Variants in HOXD8 observed in about 807,000 individuals in gnomAD.
HOXD8 encodes homeobox D8, also known as homeobox protein Hox-D8.
In HOXD8, 17 loss-of-function variants were observed where a neutral mutation model predicts 25.4. The observed-to-expected ratio is 0.67, with a 90% CI of 0.46 to 1.00. HOXD8 has a LOEUF of 1.00. Ranked by LOEUF, HOXD8 falls within the 50% of genes least tolerant of loss-of-function variation. The pLI, the probability that HOXD8 is intolerant of heterozygous loss-of-function variation, is 0.00. For synonymous variants in HOXD8, 203 were observed against 175.3 expected, an observed-to-expected ratio of 1.16 and a Z score of -1.25; for missense variants, 511 against 398.5, an observed-to-expected ratio of 1.28 and a Z score of -2.40.
In HOXD8 at chr2:176,129,930, G is replaced by A. The variant is rs1690042479; in HGVS notation, c.-437G>A. ...AAACCGAGGCCAGAGTGTCCCCGTGGGCCGAGCGCACTTTTTTCTTGTCCG... is the reference window on the plus strand; with the variant it reads ...AAACCGAGGCCAGAGTGTCCCCGTGAGCCGAGCGCACTTTTTTCTTGTCCG... On this transcript the variant is annotated 5_prime_UTR_variant, in exon 1 of 2. Coordinates refer to ENST00000313173, the MANE Select transcript of HOXD8 (RefSeq NM_019558.4). The A allele has an allele frequency of 5.7e-6, 1 of 175,212 alleles. No homozygotes were observed. Among genetic ancestry groups the A allele is most frequent in the Admixed American group, 6.0e-5 (1 of 16,620 alleles). The allele number at this position is 175,212 out of a possible 1,614,324, so 10.9% of individuals were successfully genotyped here.
At position 176,131,599 on chromosome 2, in the gene HOXD8, G is replaced by T. The variant is rs757827940; in HGVS notation, c.860G>T (p.Gly287Val). ...AQELEEDRAE[G>V]LTN ...GAGCTGGAGGAAGACAGAGCCGAAG[G>T]CCTGACAAATTAACTTCTACCTTTA... The change falls in exon 2 of 2, where the codon GGC becomes GTC. Residue 287 changes from glycine (G) to valine (V), a missense_variant. Gly to Val is a moderately radical substitution (Grantham distance 109, BLOSUM62 -3). Transcript: ENST00000313173. The T allele has an allele frequency of 6.3e-7, 1 of 1,576,226 alleles. No homozygotes were observed. The highest frequency in any genetic ancestry group is 1.1e-5 in the South Asian group (1 of 87,712).
At position 176,130,305 on chromosome 2, in the gene HOXD8, G is replaced by T. The variant is rs2105404707; in HGVS notation, c.-62G>T. On this transcript the variant is annotated 5_prime_UTR_variant, in exon 1 of 2. It adds an upstream start codon to the 5' untranslated region. Transcript: ENST00000313173. ...CCCCGCGGCAGTGCGGCCGAGTCGA[G>T]GCTCGCTCTCTGGCTGCTTAGCGCC... 2 of 1,140,410 alleles carry T rather than the reference G, an allele frequency of 1.8e-6. No homozygotes were observed. The highest frequency in any genetic ancestry group is 2.3e-6 in the Non-Finnish European group (2 of 883,592). The allele number at this position is 1,140,410 out of a possible 1,614,324, so 70.6% of individuals were successfully genotyped here. A position where few individuals can be genotyped will look rare whatever the true frequency, so the allele number is the denominator to read the frequency against.
Position 176,130,696 on chromosome 2 carries a change from T to G in HOXD8, c.330T>G (p.Pro110=). 6.3e-7 allele frequency: 1 copy of G among 1,587,976 alleles called. No homozygotes were observed. Among genetic ancestry groups the G allele is most frequent in the Non-Finnish European group, 8.6e-7 (1 of 1,167,246 alleles). ...SPAAAYQAAP[P]PPPHPPPPPP... is the part of the protein sequence containing the mutation. ...CCGCTGCCTACCAGGCCGCCCCCCC[T>G]CCTCCTCCGCATCCTCCGCCTCCGC... The change falls in exon 1 of 2, where the codon CCT becomes CCG. Residue 110 remains proline, a synonymous_variant. Coordinates refer to ENST00000313173, the MANE Select transcript of HOXD8 (RefSeq NM_019558.4).
chr2:176,131,360 C>G lies in HOXD8; in HGVS notation c.621C>G (p.Phe207Leu). 6.4e-7 allele frequency: 1 copy of G among 1,574,046 alleles called. No individual in the cohort carries two copies. Among genetic ancestry groups the G allele is most frequent in the African/African-American group, 1.4e-5 (1 of 71,520 alleles). The change falls in exon 2 of 2, where the codon TTC (phenylalanine) becomes TTG (leucine). Residue 207 changes from phenylalanine (F) to leucine (L), a missense_variant. Transcript: ENST00000313173. Reference protein sequence around the residue: ...RRRGRQTYSRFQTLELEKEFL... With the variant: ...RRRGRQTYSRLQTLELEKEFL... ...GAGGAAGACAAACCTACAGTCGCTT[C>G]CAAACTCTAGAGTTGGAAAAGGAAT...
In HOXD8 at chr2:176,131,365, C is replaced by A. The variant is rs781225320; in HGVS notation, c.626C>A (p.Thr209Asn). The A allele has an allele frequency of 5.4e-5, 85 of 1,569,732 alleles. No individual in the cohort carries two copies. In the Admixed American group the frequency reaches 1.4e-3, roughly 26 times the overall value. ...AGACAAACCTACAGTCGCTTCCAAA[C>A]TCTAGAGTTGGAAAAGGAATTTCTT... ...RGRQTYSRFQ[T>N]LELEKEFLFN... Residue 209 changes from threonine to asparagine, a missense_variant, in exon 2 of 2, where the codon ACT (threonine) becomes AAT (asparagine). By Grantham distance (65) the Thr-to-Asn change is moderately conservative. Coordinates refer to ENST00000313173, the MANE Select transcript of HOXD8 (RefSeq NM_019558.4).
Position 176,130,601 on chromosome 2 carries a change from T to A in HOXD8, c.235T>A (p.Ser79Thr), listed in dbSNP as rs762068418. ...GCACCCGCACCCGTCCCCGCCGCCC[T>A]CCGGGACTGGGTGCGGCGGTAGGGA... ...HAHPHPSPPP[S>T]GTGCGGREGR... Residue 79 changes from serine (S) to threonine (T), a missense_variant, in exon 1 of 2, where the codon TCC becomes ACC. Transcript: ENST00000313173. The A allele has an allele frequency of 2.8e-5, 42 of 1,482,724 alleles. No individual in the cohort carries two copies. In the African/African-American group the frequency reaches 4.7e-4, roughly 17 times the overall value. 91.8% of individuals were successfully genotyped at this position (1,482,724 alleles called of 1,614,324 possible). A position where few individuals can be genotyped will look rare whatever the true frequency, so the allele number is the denominator to read the frequency against.
Position 176,131,594 on chromosome 2 carries a change from C to G in HOXD8, c.855C>G (p.Ala285=), listed in dbSNP as rs756178069. ...CCCAAGAGCTGGAGGAAGACAGAGC[C>G]GAAGGCCTGACAAATTAACTTCTAC... is the stretch of plus-strand genomic sequence containing the variant. ...KEAQELEEDR[A]EGLTN The change falls in exon 2 of 2, where the codon GCC becomes GCG. Residue 285 remains alanine (A), a synonymous_variant. Transcript: ENST00000313173. 60 of 1,581,974 alleles carry G rather than the reference C, an allele frequency of 3.8e-5. No homozygotes were observed. The South Asian group carries it at 6.8e-4, about 18-fold the overall frequency.
Position 176,129,860 on chromosome 2 carries a change from G to T in HOXD8, c.-507G>T. ...GGGGGCGCGGTAAGAGGTGGCGGCG[G>T]GCAGAGGGTGTTTTTTTTCTTTTCC... On this transcript the variant is annotated 5_prime_UTR_variant, in exon 1 of 2. Transcript: ENST00000313173. 3.8e-6 allele frequency: 1 copy of T among 264,532 alleles called. No homozygotes were observed. Among genetic ancestry groups the T allele is most frequent in the Non-Finnish European group, 7.4e-6 (1 of 134,478 alleles). 16.4% of individuals were successfully genotyped at this position (264,532 alleles called of 1,614,324 possible).
Position 176,129,708 on chromosome 2 carries a change from C to G in HOXD8, c.-659C>G. ...CGACTGAACTGCGCGCGGATCCCTCCGCGGGGCTCCTCGTCCCCGTCACGC... is the reference window on the plus strand; with the variant it reads ...CGACTGAACTGCGCGCGGATCCCTCGGCGGGGCTCCTCGTCCCCGTCACGC... On this transcript the variant is annotated 5_prime_UTR_variant, in exon 1 of 2. Coordinates refer to ENST00000313173, the MANE Select transcript of HOXD8 (RefSeq NM_019558.4). 2.7e-6 allele frequency: 1 copy of G among 368,714 alleles called. No homozygotes were observed. The allele number at this position is 368,714 out of a possible 1,614,324, so 22.8% of individuals were successfully genotyped here.
rs1559124983 is a variant in HOXD8, at chr2:176,130,710, CT to C, written c.345del (p.Pro116ArgfsTer61). 1 of 1,603,768 alleles carries C rather than the reference CT, an allele frequency of 6.2e-7. No homozygotes were observed. The highest frequency in any genetic ancestry group is 2.3e-5 in the East Asian group (1 of 44,218). ...GCCGCCCCCCCTCCTCCTCCGCATC[CT>C]CCGCCTCCGCCGCCACCTCCCCCCT... ...YQAAPPPPPH[P>X]PPPPPPPPCG... On this transcript the variant is annotated frameshift_variant, in exon 1 of 2. Coordinates refer to ENST00000313173, the MANE Select transcript of HOXD8 (RefSeq NM_019558.4). LOFTEE classifies it high-confidence loss of function.
Position 176,131,607 on chromosome 2 carries a change from A to T in HOXD8, c.868A>T (p.Asn290Tyr). The stretch of plus-strand genomic sequence containing the variant: ...GGAAGACAGAGCCGAAGGCCTGACA[A>T]ATTAACTTCTACCTTTAAAATTTAC... The part of the protein sequence containing the change: ...LEEDRAEGLT[N>Y] Residue 290 changes from asparagine to tyrosine, a missense_variant, in exon 2 of 2, where the codon AAT becomes TAT. Coordinates refer to ENST00000313173, the MANE Select transcript of HOXD8 (RefSeq NM_019558.4). 1 of 1,545,774 alleles carries T rather than the reference A, an allele frequency of 6.5e-7. No individual in the cohort carries two copies. The highest frequency in any genetic ancestry group is 8.8e-7 in the Non-Finnish European group (1 of 1,132,494).
Position 176,131,952 on chromosome 2 carries a change from TATTA to T in HOXD8, c.*346_*349del, listed in dbSNP as rs557029501. ...CTTAATAATTGCATATAAAATGCTT[TATTA>T]ATTAAACAAGTGCACTTGAACATTT... On this transcript the variant is annotated 3_prime_UTR_variant, in exon 2 of 2. Coordinates refer to ENST00000313173, the MANE Select transcript of HOXD8 (RefSeq NM_019558.4). 74 of 187,294 alleles carry T rather than the reference TATTA, an allele frequency of 4.0e-4. No individual in the cohort carries two copies. The highest frequency in any genetic ancestry group is 1.6e-3 in the East Asian group (12 of 7,364). The allele number at this position is 187,294 out of a possible 1,614,324, so 11.6% of individuals were successfully genotyped here. A position where few individuals can be genotyped will look rare whatever the true frequency, so the allele number is the denominator to read the frequency against.
Position 176,131,804 on chromosome 2 carries a change from TG to T in HOXD8, c.*193del. 2 of 560,158 alleles carry T rather than the reference TG, an allele frequency of 3.6e-6. No individual in the cohort carries two copies. Among genetic ancestry groups the T allele is most frequent in the Non-Finnish European group, 6.3e-6 (2 of 319,068 alleles). The allele number at this position is 560,158 out of a possible 1,614,324, so 34.7% of individuals were successfully genotyped here. A position where few individuals can be genotyped will look rare whatever the true frequency, so the allele number is the denominator to read the frequency against. On this transcript the variant is annotated 3_prime_UTR_variant, in exon 2 of 2. Coordinates refer to ENST00000313173, the MANE Select transcript of HOXD8 (RefSeq NM_019558.4). The stretch of plus-strand genomic sequence containing the variant: ...AAAGTTTCTAGTATCACATAGAAGC[TG>T]TCCTTGAGCTGTCCTATGGAAGGGT...
Position 176,130,562 on chromosome 2 carries a change from CCGCAGGCGCACG to C in HOXD8, c.201_212del (p.Gln67_Ala70del), listed in dbSNP as rs1361089408. On this transcript the variant is annotated inframe_deletion, in exon 1 of 2. Coordinates refer to ENST00000313173, the MANE Select transcript of HOXD8 (RefSeq NM_019558.4). Reference sequence around the variant, plus strand: ...CGCCGCCGGCTTCCCGCACGCGCCCCCGCAGGCGCACGCGCACCCGCACCCGTCCCCGCCGCC... The same window carrying C: ...CGCCGCCGGCTTCCCGCACGCGCCCCCGCACCCGCACCCGTCCCCGCCGCC... The C allele has an allele frequency of 1.4e-6, 2 of 1,460,848 alleles. No individual in the cohort carries two copies. Among genetic ancestry groups the C allele is most frequent in the Non-Finnish European group, 1.8e-6 (2 of 1,115,888 alleles). The allele number at this position is 1,460,848 out of a possible 1,614,324, so 90.5% of individuals were successfully genotyped here. A position where few individuals can be genotyped will look rare whatever the true frequency, so the allele number is the denominator to read the frequency against.
In HOXD8 at chr2:176,131,378, A is replaced by G. The variant is rs748744102; in HGVS notation, c.639A>G (p.Glu213=). 3 of 1,613,584 alleles carry G rather than the reference A, an allele frequency of 1.9e-6. No individual in the cohort carries two copies. Among genetic ancestry groups the G allele is most frequent in the Admixed American group, 3.3e-5 (2 of 59,992 alleles). ...TYSRFQTLEL[E]KEFLFNPYLT... is the part of the protein sequence containing the mutation. ...GTCGCTTCCAAACTCTAGAGTTGGA[A>G]AAGGAATTTCTTTTTAACCCCTATC... The change falls in exon 2 of 2, where the codon GAA becomes GAG. Residue 213 remains glutamate, a synonymous_variant. Coordinates refer to ENST00000313173, the MANE Select transcript of HOXD8 (RefSeq NM_019558.4).
Position 176,129,956 on chromosome 2 carries a change from G to A in HOXD8, c.-411G>A, listed in dbSNP as rs966731869. ...GCCGAGCGCACTTTTTTCTTGTCCGGGTGCGCTCAGTCACTGGTGCCTGAG... is the reference window on the plus strand; with the variant it reads ...GCCGAGCGCACTTTTTTCTTGTCCGAGTGCGCTCAGTCACTGGTGCCTGAG... On this transcript the variant is annotated 5_prime_UTR_variant, in exon 1 of 2. Coordinates refer to ENST00000313173, the MANE Select transcript of HOXD8 (RefSeq NM_019558.4). 107 of 162,072 alleles carry A rather than the reference G, an allele frequency of 6.6e-4. No individual in the cohort carries two copies. Among genetic ancestry groups the A allele is most frequent in the Middle Eastern group, 3.1e-3 (1 of 318 alleles). 10.0% of individuals were successfully genotyped at this position (162,072 alleles called of 1,614,324 possible). A position where few individuals can be genotyped will look rare whatever the true frequency, so the allele number is the denominator to read the frequency against.
rs990126335 is a variant in HOXD8 at position 176,130,813 on chromosome 2, G to C, written c.447G>C (p.Thr149=). Residue 149 remains threonine (T), a synonymous_variant, in exon 1 of 2, where the codon ACG becomes ACC. Coordinates refer to ENST00000313173, the MANE Select transcript of HOXD8 (RefSeq NM_019558.4). ...YDNLQRQPIF[T]TQQEAELVQY... ...ACTTACAGAGACAGCCGATTTTTAC[G>C]ACCCAGCAAGAGGCCGAGCTGGTAC... is the stretch of plus-strand genomic sequence containing the variant. The C allele has an allele frequency of 1.2e-6, 2 of 1,613,328 alleles. No individual in the cohort carries two copies. The highest frequency in any genetic ancestry group is 1.7e-6 in the Non-Finnish European group (2 of 1,179,762).
rs1574961967 is a variant in HOXD8 at position 176,130,951 on chromosome 2, T to C, written c.577+8T>C. 2.0e-6 allele frequency: 3 copies of C among 1,532,540 alleles called. No homozygotes were observed. The highest frequency in any genetic ancestry group is 2.6e-6 in the Non-Finnish European group (3 of 1,133,698). 94.9% of individuals were successfully genotyped at this position (1,532,540 alleles called of 1,614,324 possible). Reference sequence around the variant, plus strand: ...CGTGGATGAGACCACAAGGTTGGGATGCATTTTTTTTTTAAGAAGGGAGAG... The same window carrying C: ...CGTGGATGAGACCACAAGGTTGGGACGCATTTTTTTTTTAAGAAGGGAGAG... On this transcript the variant is annotated splice_region_variant and intron_variant, in intron 1 of 1. Transcript: ENST00000313173.
chr2:176,130,486 C>T lies in HOXD8; in HGVS notation c.120C>T (p.Val40=). 2.7e-6 allele frequency: 4 copies of T among 1,491,228 alleles called. No homozygotes were observed. Among genetic ancestry groups the T allele is most frequent in the South Asian group, 1.3e-5 (1 of 79,854 alleles). 92.4% of individuals were successfully genotyped at this position (1,491,228 alleles called of 1,614,324 possible). The part of the protein sequence containing the change: ...TYYDCHFAPE[V]GGRHAAAAAA... ...ACGACTGTCACTTCGCGCCCGAGGT[C>T]GGCGGCCGTCACGCCGCCGCCGCAG... Residue 40 remains valine, a synonymous_variant, in exon 1 of 2, where the codon GTC becomes GTT. Coordinates refer to ENST00000313173, the MANE Select transcript of HOXD8 (RefSeq NM_019558.4).
Sources: allele counts gnomAD v4.1 joint callset, GRCh38; gene constraint gnomAD v4.1.1; transcripts MANE v1.5; gene names NCBI Gene and HGNC (gene_info 2026-07-23, HGNC 2026-07-21).